The following LINGO2 variants were observed in gnomAD, a reference collection of about 807,000 sequenced individuals.
LINGO2 encodes the protein leucine rich repeat and Ig domain containing 2.
A neutral mutation model predicts 30.6 loss-of-function variants in LINGO2; 14 were observed. The observed-to-expected ratio is 0.46, with a 90% CI of 0.30 to 0.72. The LOEUF (loss-of-function observed/expected upper bound fraction) is 0.72, where lower values mean the gene tolerates loss of function less well. Among genes scored for constraint, LINGO2 ranks in the 30% least tolerant of loss-of-function variants. LINGO2 has a pLI of 0.07. For synonymous variants in LINGO2, 317 were observed against 288.5 expected, an observed-to-expected ratio of 1.10 and a Z score of -1.00; for missense variants, 729 against 751.7, an observed-to-expected ratio of 0.97 and a Z score of 0.35.
At chr9:28,010,473 T>C (rs552841906) in intron 5 of LINGO2, among the ~76,000 whole-genome samples, 5 of 152,246 alleles carry the variant, frequency 3.3e-5, no homozygotes, top group Non-Finnish European at 7.4e-5. Flanking sequence ...TTGCTCTGAA[T>C]AAAATCTTAC....
At chr9:28,041,938 A>G (rs2132988376) in intron 4 of LINGO2, among the ~76,000 whole-genome samples, 1 of 152,310 alleles carries the variant, frequency 6.6e-6, no homozygotes, top group East Asian at 1.9e-4. Flanking sequence ...GAAATAAAAC[A>G]GGTGTTAGAT....
the LINGO2 span, among the ~76,000 whole-genome samples, chr9:29,069,149 T>TA: frequency 4.6e-5 from 7 of 151,994 alleles, no homozygotes; most frequent in East Asian, 1.4e-3. Flanking sequence ...GAGAAAACAA[T>TA]AAGTTTAAGT....
At chr9:28,507,262 G>C (rs4422858) in intron 1 of LINGO2, among the ~76,000 whole-genome samples, 44,133 of 147,328 alleles carry the variant, frequency 0.3, 7,785 homozygotes, top group Middle Eastern at 0.4. Flanking sequence ...TGTGTGTGTA[G>C]ATAATTACTC....
At chr9:28,308,752 C>A (rs1288838726) in intron 3 of LINGO2, among the ~76,000 whole-genome samples, 2 of 151,456 alleles carry the variant, frequency 1.3e-5, no homozygotes, top group Non-Finnish European at 2.9e-5. Context: ...ACAAACAACC[C>A]CATCAAAAAG....
Position 28,328,663 on chromosome 9 carries a change from C to G in LINGO2, c.-245-33297G>C, listed in dbSNP as rs114532181. 3.5e-3 allele frequency among the ~76,000 whole-genome samples: 535 copies of G among 152,038 alleles called. 6 individuals are homozygous for G. Among genetic ancestry groups the G allele is most frequent in the African/African-American group, 0.012 (510 of 41,482 alleles). On this transcript the variant is annotated intron_variant, in intron 3 of 5. Coordinates refer to ENST00000379992, the Ensembl canonical transcript of LINGO2. ...AAGAACCTTAAGGCACTAAGCAAAA[C>G]ATTAGGAAAGCCATAATGTGCCAAA...
the LINGO2 span, among the ~76,000 whole-genome samples, chr9:29,148,590 CCT>C: frequency 6.6e-6 from 1 of 151,982 alleles, no homozygotes; most frequent in African/African-American, 2.4e-5. Flanking sequence ...ATTTTTATTC[CCT>C]GTTAATTTGG....
the LINGO2 span, among the ~76,000 whole-genome samples, chr9:28,991,200 G>A: frequency 4.9e-4 from 75 of 152,138 alleles, no homozygotes; most frequent in South Asian, 6.2e-3. Flanking sequence ...GCCATGGCTC[G>A]AGAACTACGT....
intron 3 of LINGO2, among the ~76,000 whole-genome samples, chr9:28,348,517 G>A (rs1819692142): frequency 1.3e-5 from 2 of 152,160 alleles, no homozygotes; most frequent in South Asian, 2.1e-4. Context: ...GAGTCTCGCT[G>A]ATTGCTAGCA....
At chr9:28,679,637 A>G in the LINGO2 span, among the ~76,000 whole-genome samples, 1 of 152,096 alleles carries the variant, frequency 6.6e-6, no homozygotes, top group African/African-American at 2.4e-5. Flanking sequence ...CACCTCACAT[A>G]TACAAATAAT....
the LINGO2 span, among the ~76,000 whole-genome samples, chr9:29,213,585 G>T: frequency 6.6e-6 from 1 of 151,920 alleles, no homozygotes; most frequent in Non-Finnish European, 1.5e-5. Flanking sequence ...CTCAGAGCTC[G>T]GGCTGCGCAC....
At chr9:28,056,908 T>C (rs1486180268) in intron 4 of LINGO2, among the ~76,000 whole-genome samples, 1 of 152,180 alleles carries the variant, frequency 6.6e-6, no homozygotes, top group Non-Finnish European at 1.5e-5. Context: ...GGATTAAGCA[T>C]GCTACATAAT....
At chr9:28,405,926 C>A (rs559070765) in intron 2 of LINGO2, among the ~76,000 whole-genome samples, 1 of 152,110 alleles carries the variant, frequency 6.6e-6, no homozygotes, top group Non-Finnish European at 1.5e-5. Flanking sequence ...AACCAAAGAG[C>A]ATTTATTAAA....
At chr9:28,845,477 C>T in the LINGO2 span, among the ~76,000 whole-genome samples, 1 of 151,178 alleles carries the variant, frequency 6.6e-6, no homozygotes, top group East Asian at 2.0e-4. Flanking sequence ...AACAGTTATA[C>T]ATTGTATGTT....
chr9:28,573,310 T>C (rs1823796515), intron 1 of LINGO2, among the ~76,000 whole-genome samples: 1 of 152,176 alleles, frequency 6.6e-6, no homozygotes, highest in Non-Finnish European at 1.5e-5. Context: ...TTGCTATTTT[T>C]TCTGTACCAA....
At chr9:28,326,520 C>G (rs2134323998) in intron 3 of LINGO2, among the ~76,000 whole-genome samples, 1 of 152,248 alleles carries the variant, frequency 6.6e-6, no homozygotes. Flanking sequence ...ATACAGTGTT[C>G]ACCACAAATA....
the LINGO2 span, among the ~76,000 whole-genome samples, chr9:29,172,547 T>A: frequency 2.0e-5 from 3 of 151,944 alleles, no homozygotes; most frequent in East Asian, 5.8e-4. Context: ...CGGTCACTTA[T>A]AAAACATTTA....
intron 2 of LINGO2, among the ~76,000 whole-genome samples, chr9:28,436,482 G>C (rs1015394600): frequency 6.6e-6 from 1 of 151,092 alleles, no homozygotes; most frequent in African/African-American, 2.4e-5. Context: ...TTTTGAGATG[G>C]AGTCTCGCTC....
intron 4 of LINGO2, among the ~76,000 whole-genome samples, chr9:28,204,131 T>C (rs186957878): frequency 1.4e-4 from 21 of 152,350 alleles, no homozygotes; most frequent in African/African-American, 4.8e-4. Context: ...AATGTTATTG[T>C]AGCAACTAGT....
At chr9:28,460,268 T>C (rs1005891262) in intron 2 of LINGO2, among the ~76,000 whole-genome samples, 1 of 152,210 alleles carries the variant, frequency 6.6e-6, no homozygotes, top group African/African-American at 2.4e-5. Context: ...ACATAAGATA[T>C]ATCTCTTCTT....
Sources: allele counts gnomAD v4.1 joint callset (sites outside exome capture counted in the v4.1 genomes callset), GRCh38; gene constraint gnomAD v4.1.1; transcripts MANE v1.5; gene names NCBI Gene and HGNC (gene_info 2026-07-23, HGNC 2026-07-21).